ELAVL2: variants seen among roughly 807,000 people sequenced by gnomAD.
ELAVL2 encodes the protein ELAV like RNA binding protein 2, also known as ELAV-like protein 2.
In ELAVL2, 4 loss-of-function variants were observed where a neutral mutation model predicts 34.6. The ratio of observed to expected loss-of-function variants is 0.12; its 90% CI spans 0.06 to 0.26. ELAVL2 has a LOEUF of 0.26. ELAVL2 is among the 10% of genes least tolerant of loss of function. The pLI is 1.00. For missense variants in ELAVL2, 432 were observed against 442.8 expected (o/e 0.98, Z 0.22); for synonymous variants, 193 against 154.8 (o/e 1.25, Z -1.83).
chr9:23,818,088 A>G lies in ELAVL2; in HGVS notation c.-16+7718T>C, dbSNP rs202160395. ...AGTGTGGATTTGGCACTGAACTACAATATGTGGGCTCTGTGCGTAACCAGA... is the reference window on the plus strand; with the variant it reads ...AGTGTGGATTTGGCACTGAACTACAGTATGTGGGCTCTGTGCGTAACCAGA... On this transcript the variant is annotated intron_variant, in intron 1 of 6. Transcript: ENST00000397312. Among the ~76,000 whole-genome samples, 13 of 152,290 alleles carry G rather than the reference A, an allele frequency of 8.5e-5. No individual in the cohort carries two copies. The East Asian group carries it at 1.7e-3, about 20-fold the overall frequency.
chr9:23,747,429 ATTTC>A (rs2050776707), intron 2 of ELAVL2, among the ~76,000 whole-genome samples: 1 of 152,192 alleles, frequency 6.6e-6, no homozygotes, highest in South Asian at 2.1e-4. Context: ...GGACTACGGT[ATTTC>A]ATGGCACAGG....
chr9:23,775,079 G>A (rs1471150611), intron 1 of ELAVL2, among the ~76,000 whole-genome samples: 3 of 152,286 alleles, frequency 2.0e-5, no homozygotes, highest in East Asian at 1.9e-4. Flanking sequence ...GGAACTTTCC[G>A]TGGGATTTGA....
chr9:23,779,406 G>GCA (rs1371425913), intron 1 of ELAVL2: 2 of 985,250 alleles, frequency 2.0e-6, no homozygotes, highest in Non-Finnish European at 2.4e-6. Context: ...GCTATTTATA[G>GCA]CACAGCAATG....
upstream of ELAVL2, among the ~76,000 whole-genome samples, chr9:23,830,601 T>TACACACACACACACACACACACAC (rs10525135): frequency 3.4e-3 from 449 of 133,138 alleles, 6 homozygotes; most frequent in East Asian, 7.8e-3. Flanking sequence ...GCCCCCCACT[T>TACACACACACACACACACACACAC]ACACACACAC....
chr9:23,728,816 G>T (rs907971994), intron 3 of ELAVL2, among the ~76,000 whole-genome samples: 2 of 152,074 alleles, frequency 1.3e-5, no homozygotes, highest in African/African-American at 2.4e-5. Context: ...GTGGGAAATG[G>T]TCTGCTTTGC....
intron 2 of ELAVL2, chr9:23,735,090 A>T (rs1360590898): frequency 7.3e-6 from 1 of 137,340 alleles, no homozygotes; most frequent in Non-Finnish European, 1.6e-5. Flanking sequence ...CCAAAATGAC[A>T]AAGCTAAGGC....
chr9:23,802,237 T>C (rs558930619), intron 1 of ELAVL2, among the ~76,000 whole-genome samples: 63 of 152,290 alleles, frequency 4.1e-4, no homozygotes, highest in African/African-American at 1.5e-3. Context: ...ATGTTGTATG[T>C]AGATGTGTGG....
At chr9:23,818,395 T>C (rs1303967287) in intron 1 of ELAVL2, among the ~76,000 whole-genome samples, 2 of 152,150 alleles carry the variant, frequency 1.3e-5, no homozygotes, top group African/African-American at 4.8e-5. Flanking sequence ...AATTTCAAGA[T>C]TGGGTAGGAT....
At chr9:23,840,405 TG>T in the ELAVL2 span, among the ~76,000 whole-genome samples, 1 of 149,426 alleles carries the variant, frequency 6.7e-6, no homozygotes, top group East Asian at 2.1e-4. Context: ...CATATGTGTA[TG>T]AAAAGCTCCA....
chr9:23,820,536 T>A (rs2064430418), intron 1 of ELAVL2, among the ~76,000 whole-genome samples: 1 of 152,202 alleles, frequency 6.6e-6, no homozygotes, highest in African/African-American at 2.4e-5. Flanking sequence ...TAAATGACCA[T>A]CTGGGCAGCT....
intron 3 of ELAVL2, among the ~76,000 whole-genome samples, chr9:23,723,552 C>T (rs560792474): frequency 2.8e-4 from 43 of 151,582 alleles, no homozygotes; most frequent in African/African-American, 1.0e-3. Flanking sequence ...TACCCTAAAA[C>T]TTAAAGCATA....
intron 1 of ELAVL2, among the ~76,000 whole-genome samples, chr9:23,784,089 T>C (rs1458902484): frequency 6.6e-6 from 1 of 151,950 alleles, no homozygotes; most frequent in Non-Finnish European, 1.5e-5. Context: ...TCCCAGCTAC[T>C]GAGGAGGCTG....
At chr9:23,715,124 A>G (rs1316753525) in intron 3 of ELAVL2, among the ~76,000 whole-genome samples, 1 of 152,160 alleles carries the variant, frequency 6.6e-6, no homozygotes, top group African/African-American at 2.4e-5. Context: ...TAGGGACTCT[A>G]CTACCTGTTG....
upstream of ELAVL2, among the ~76,000 whole-genome samples, chr9:23,826,821 G>T (rs778239576): frequency 1.3e-5 from 2 of 152,060 alleles, no homozygotes; most frequent in East Asian, 1.9e-4. Context: ...TTATTTGCCC[G>T]CATGCCTTTT....
chr9:23,761,468 T>C (rs2054982902), intron 2 of ELAVL2, among the ~76,000 whole-genome samples: 1 of 152,092 alleles, frequency 6.6e-6, no homozygotes. Context: ...AGGACAATCA[T>C]ATACCATGTC....
At chr9:23,723,862 C>T (rs1260577080) in intron 3 of ELAVL2, among the ~76,000 whole-genome samples, 1 of 152,100 alleles carries the variant, frequency 6.6e-6, no homozygotes, top group Non-Finnish European at 1.5e-5. Flanking sequence ...CCACCACATG[C>T]CCCTTTCAAT....
Position 23,693,504 on chromosome 9 carries a change from A to C in ELAVL2, c.714-18T>G. ...TGTCCAACCTGCAAAACACACATTT[A>C]GCAAACTTCAGTTTTTAATTTTTCC... is the stretch of plus-strand genomic sequence containing the variant. On this transcript the variant is annotated intron_variant, in intron 5 of 6. Coordinates refer to ENST00000397312, the MANE Select transcript of ELAVL2 (RefSeq NM_004432.5). The C allele has an allele frequency of 6.2e-7, 1 of 1,614,086 alleles. No homozygotes were observed.
intron 1 of ELAVL2, among the ~76,000 whole-genome samples, chr9:23,766,135 G>A (rs2056207406): frequency 6.6e-6 from 1 of 152,052 alleles, no homozygotes. Flanking sequence ...TCCTGGCTGT[G>A]ATTTACTCTT....
intron 1 of ELAVL2, among the ~76,000 whole-genome samples, chr9:23,805,476 T>C (rs2062093053): frequency 6.6e-6 from 1 of 152,244 alleles, no homozygotes; most frequent in Admixed American, 6.5e-5. Flanking sequence ...TTTAACATAC[T>C]GCAGCTTTAA....
Sources: gnomAD v4.1 joint callset for allele counts (sites outside exome capture counted in the v4.1 genomes callset) on GRCh38, gnomAD v4.1.1 for gene constraint, MANE v1.5 for transcripts, NCBI Gene and HGNC (gene_info 2026-07-23, HGNC 2026-07-21) for gene names.